Variants in ZNF804A observed in about 807,000 individuals in gnomAD.
The protein encoded by ZNF804A is zinc finger protein 804A.
In ZNF804A, 2 loss-of-function variants were observed where a neutral mutation model predicts 16.5. The ratio of observed to expected loss-of-function variants is 0.12; its 90% CI spans 0.05 to 0.38. ZNF804A has a LOEUF of 0.38. Ranked by LOEUF, ZNF804A falls within the 10% of genes least tolerant of loss-of-function variation. The probability of loss-of-function intolerance (pLI) is 0.99; values close to 1 mark genes in which losing one functional copy is unlikely to be tolerated. For missense variants in ZNF804A, 1,473 were observed against 1,390.7 expected (o/e 1.06, Z -0.94); for synonymous variants, 534 against 489.6 (o/e 1.09, Z -1.20).
At chr2:184,927,511 A>C (rs1458689838) in intron 2 of ZNF804A, among the ~76,000 whole-genome samples, 2 of 151,998 alleles carry the variant, frequency 1.3e-5, no homozygotes, top group African/African-American at 4.8e-5. Flanking sequence ...GCTCCTCTTC[A>C]CTCAAAGCCT....
At chr2:184,830,877 C>T (rs1489297865) in intron 1 of ZNF804A, among the ~76,000 whole-genome samples, 3 of 151,998 alleles carry the variant, frequency 2.0e-5, no homozygotes, top group Non-Finnish European at 4.4e-5. Flanking sequence ...ATAATTTTTA[C>T]CAACTACTTC....
chr2:184,862,880 A>C (rs1695820692), intron 1 of ZNF804A, among the ~76,000 whole-genome samples: 1 of 152,124 alleles, frequency 6.6e-6, no homozygotes, highest in Non-Finnish European at 1.5e-5. Flanking sequence ...ATATTTGATG[A>C]CAATAAAAAA....
At chr2:184,700,851 G>A (rs1692908168) in intron 1 of ZNF804A, among the ~76,000 whole-genome samples, 1 of 151,982 alleles carries the variant, frequency 6.6e-6, no homozygotes, top group Non-Finnish European at 1.5e-5. Context: ...CCATTGTTAA[G>A]ATGAAAGGGT....
chr2:184,715,901 T>A (rs1157440580), intron 1 of ZNF804A, among the ~76,000 whole-genome samples: 2 of 152,160 alleles, frequency 1.3e-5, no homozygotes, highest in Non-Finnish European at 2.9e-5. Context: ...TTTTGGCTCA[T>A]AATAGGCATT....
chr2:184,714,722 T>G (rs1191896023), intron 1 of ZNF804A, among the ~76,000 whole-genome samples: 1 of 152,136 alleles, frequency 6.6e-6, no homozygotes, highest in African/African-American at 2.4e-5. Context: ...TTTCATATTT[T>G]CCTCTCTAGA....
At chr2:184,804,200 T>G (rs895469036) in intron 1 of ZNF804A, among the ~76,000 whole-genome samples, 1 of 152,134 alleles carries the variant, frequency 6.6e-6, no homozygotes, top group African/African-American at 2.4e-5. Context: ...ATCATTTTAT[T>G]TAGAATTCAC....
intron 1 of ZNF804A, among the ~76,000 whole-genome samples, chr2:184,861,829 A>G (rs538159811): frequency 6.6e-6 from 1 of 152,164 alleles, no homozygotes; most frequent in East Asian, 1.9e-4. Flanking sequence ...TATCTTCTCT[A>G]TTTCACTTCG....
At chr2:184,735,503 G>T (rs548560673) in intron 1 of ZNF804A, among the ~76,000 whole-genome samples, 1 of 152,214 alleles carries the variant, frequency 6.6e-6, no homozygotes, top group East Asian at 1.9e-4. Context: ...ATGATGGGTT[G>T]ATGGGTGCAG....
intron 1 of ZNF804A, among the ~76,000 whole-genome samples, chr2:184,755,819 G>C (rs187247887): frequency 6.5e-4 from 99 of 151,970 alleles, no homozygotes; most frequent in African/African-American, 2.3e-3. Flanking sequence ...TAGTTGCTTT[G>C]TTCTAGAATA....
intron 1 of ZNF804A, among the ~76,000 whole-genome samples, chr2:184,720,182 T>C (rs1693287143): frequency 1.3e-5 from 2 of 152,064 alleles, no homozygotes; most frequent in African/African-American, 4.8e-5. Context: ...ATGAGAACAG[T>C]GCAGGAAAAA....
intron 1 of ZNF804A, among the ~76,000 whole-genome samples, chr2:184,674,898 T>G (rs968440886): frequency 6.6e-5 from 10 of 151,856 alleles, no homozygotes; most frequent in Admixed American, 6.6e-4. Flanking sequence ...AGAAACAGTC[T>G]TATAAATGTC....
At chr2:184,766,862 A>C (rs986417806) in intron 1 of ZNF804A, among the ~76,000 whole-genome samples, 1 of 152,052 alleles carries the variant, frequency 6.6e-6, no homozygotes, top group Admixed American at 6.6e-5. Context: ...TGGAATCCTA[A>C]CCTCCAATGG....
intron 2 of ZNF804A, among the ~76,000 whole-genome samples, chr2:184,877,562 G>A (rs577366344): frequency 3.3e-5 from 5 of 152,018 alleles, no homozygotes; most frequent in Admixed American, 3.3e-4. Flanking sequence ...TAAGATGCTA[G>A]GATTTTTTGC....
intron 1 of ZNF804A, among the ~76,000 whole-genome samples, chr2:184,654,752 T>A (rs1692047832): frequency 6.6e-6 from 1 of 152,148 alleles, no homozygotes; most frequent in African/African-American, 2.4e-5. Context: ...ATGTAATGCA[T>A]TGGAATAGCA....
chr2:184,807,158 A>G (rs1694820847), intron 1 of ZNF804A, among the ~76,000 whole-genome samples: 1 of 151,900 alleles, frequency 6.6e-6, no homozygotes. Flanking sequence ...AAACATTGTA[A>G]CATTCACTCC....
At chr2:184,646,994 A>G (rs183860959) in intron 1 of ZNF804A, among the ~76,000 whole-genome samples, 1 of 152,312 alleles carries the variant, frequency 6.6e-6, no homozygotes, top group East Asian at 1.9e-4. Context: ...TCACTGGTAA[A>G]CAAGGATCAA....
chr2:184,875,190 T>C (rs1473449399), intron 2 of ZNF804A, among the ~76,000 whole-genome samples: 3 of 152,202 alleles, frequency 2.0e-5, no homozygotes, highest in Non-Finnish European at 4.4e-5. Flanking sequence ...GCTAGTATAA[T>C]GTAAAGTTAA....
intron 2 of ZNF804A, among the ~76,000 whole-genome samples, chr2:184,933,339 A>T (rs74620122): frequency 0.032 from 4,855 of 152,314 alleles, 109 homozygotes; most frequent in Non-Finnish European, 0.048. Flanking sequence ...GGAAATGATC[A>T]ATAAGAAGAG....
intron 1 of ZNF804A, among the ~76,000 whole-genome samples, chr2:184,627,299 T>G (rs1221883032): frequency 6.6e-6 from 1 of 152,138 alleles, no homozygotes; most frequent in African/African-American, 2.4e-5. Flanking sequence ...TTCATGTTTG[T>G]GTTTTTTCCA....
Sources: allele counts gnomAD v4.1 joint callset (sites outside exome capture counted in the v4.1 genomes callset), GRCh38; gene constraint gnomAD v4.1.1; transcripts MANE v1.5; gene names NCBI Gene and HGNC (gene_info 2026-07-23, HGNC 2026-07-21).